Variants in BEND5 observed in about 807,000 individuals in gnomAD.
BEND5 encodes the protein BEN domain-containing protein 5.
Under a neutral mutation model 43.9 loss-of-function variants are expected in BEND5, and 22 were observed. That is an observed-to-expected ratio of 0.50 (90% CI 0.36 to 0.72). The LOEUF is 0.72. BEND5 is among the 30% of genes least tolerant of loss of function. BEND5 has a pLI of 0.00. For missense variants in BEND5, 428 were observed against 550.6 expected (o/e 0.78, Z 2.23); for synonymous variants, 228 against 225.9 (o/e 1.01, Z -0.08).
At chr1:48,747,795 G>A (rs1048038126) in intron 3 of BEND5, among the ~76,000 whole-genome samples, 1 of 152,102 alleles carries the variant, frequency 6.6e-6, no homozygotes, top group African/African-American at 2.4e-5. Flanking sequence ...TAACACAAAT[G>A]TTTATGTTTG....
chr1:48,775,715 G>C (rs928753176), intron 1 of BEND5, among the ~76,000 whole-genome samples: 1 of 152,184 alleles, frequency 6.6e-6, no homozygotes, highest in Non-Finnish European at 1.5e-5. Context: ...CTGGAGCATA[G>C]GAGGATAAAG....
At chr1:48,730,658 T>C (rs1026600358) in intron 5 of BEND5, among the ~76,000 whole-genome samples, 1 of 152,130 alleles carries the variant, frequency 6.6e-6, no homozygotes, top group African/African-American at 2.4e-5. Flanking sequence ...GTAACAGCAC[T>C]GAACGAAAAG....
intron 3 of BEND5, among the ~76,000 whole-genome samples, chr1:48,746,843 C>T (rs972198212): frequency 2.0e-5 from 3 of 152,174 alleles, no homozygotes; most frequent in African/African-American, 7.2e-5. Context: ...CAGACAGAAG[C>T]TGGCAAAACG....
At chr1:48,773,529 T>A (rs1005583192) in intron 1 of BEND5, among the ~76,000 whole-genome samples, 1 of 152,038 alleles carries the variant, frequency 6.6e-6, no homozygotes, top group African/African-American at 2.4e-5. Context: ...AGGATGGTAA[T>A]GGAGAAAGAG....
chr1:48,749,277 ATTGT>A (rs928213830), intron 3 of BEND5, among the ~76,000 whole-genome samples: 13 of 152,090 alleles, frequency 8.5e-5, no homozygotes, highest in African/African-American at 3.1e-4. Context: ...CTGTCACGTG[ATTGT>A]TTGTTTAACA....
intron 2 of BEND5, chr1:48,761,045 T>C (rs1208436265): frequency 3.4e-6 from 1 of 296,248 alleles, no homozygotes; most frequent in African/African-American, 2.1e-5. Context: ...TCTCCAGAGC[T>C]GTGGGCCAAG....
intron 1 of BEND5, among the ~76,000 whole-genome samples, chr1:48,768,397 TA>T (rs1030016703): frequency 4.6e-5 from 7 of 151,966 alleles, no homozygotes; most frequent in South Asian, 2.1e-4. Context: ...AGCTTTCTTG[TA>T]AAAAAAATGG....
intron 3 of BEND5, among the ~76,000 whole-genome samples, chr1:48,749,944 G>T (rs925030713): frequency 6.6e-6 from 1 of 152,222 alleles, no homozygotes; most frequent in African/African-American, 2.4e-5. Flanking sequence ...GGAATAAGTG[G>T]GGTGGGCAGC....
chr1:48,753,256 T>C (rs746525966), intron 3 of BEND5, among the ~76,000 whole-genome samples: 7 of 152,222 alleles, frequency 4.6e-5, no homozygotes, highest in Non-Finnish European at 7.3e-5. Flanking sequence ...CTGTATGTAG[T>C]GGGCTTTAAG....
At chr1:48,739,704 G>T (rs1202209494) in intron 4 of BEND5, among the ~76,000 whole-genome samples, 1 of 152,194 alleles carries the variant, frequency 6.6e-6, no homozygotes. Context: ...AATGAGAAAA[G>T]ATGTGTAAAG....
At chr1:48,774,525 A>G (rs1644985182) in intron 1 of BEND5, among the ~76,000 whole-genome samples, 1 of 152,218 alleles carries the variant, frequency 6.6e-6, no homozygotes, top group Admixed American at 6.5e-5. Flanking sequence ...GGTAAGGGGA[A>G]GTGTTTTTCA....
intron 3 of BEND5, among the ~76,000 whole-genome samples, chr1:48,746,853 G>A (rs375695261): frequency 6.6e-6 from 1 of 152,144 alleles, no homozygotes; most frequent in Non-Finnish European, 1.5e-5. Flanking sequence ...CTGGCAAAAC[G>A]GCAGATGAAT....
chr1:48,745,201 T>A (rs935886945), intron 3 of BEND5, among the ~76,000 whole-genome samples: 2 of 152,162 alleles, frequency 1.3e-5, no homozygotes, highest in Non-Finnish European at 2.9e-5. Flanking sequence ...GGGACTTTAA[T>A]GGGCTGGGAG....
At chr1:48,764,487 G>A (rs1484965876) in intron 1 of BEND5, among the ~76,000 whole-genome samples, 2 of 152,116 alleles carry the variant, frequency 1.3e-5, no homozygotes, top group Non-Finnish European at 2.9e-5. Flanking sequence ...AAATGGGGAA[G>A]GGGGGGAAAT....
chr1:48,743,038 G>T (rs1650166656), intron 3 of BEND5, among the ~76,000 whole-genome samples: 1 of 152,208 alleles, frequency 6.6e-6, no homozygotes, highest in Admixed American at 6.5e-5. Context: ...TGTCTAAATG[G>T]AAAGGCAGGG....
At chr1:48,760,087 C>T (rs1644175126) in intron 2 of BEND5, among the ~76,000 whole-genome samples, 1 of 152,302 alleles carries the variant, frequency 6.6e-6, no homozygotes, top group Non-Finnish European at 1.5e-5. Flanking sequence ...AATTTGGAAT[C>T]TAACTTCCAG....
At chr1:48,748,540 A>G (rs1319281432) in intron 3 of BEND5, among the ~76,000 whole-genome samples, 1 of 152,146 alleles carries the variant, frequency 6.6e-6, no homozygotes, top group East Asian at 1.9e-4. Flanking sequence ...GAGACTAGGA[A>G]ATCTTCATAA....
chr1:48,758,012 A>G (rs1342928230), intron 3 of BEND5, among the ~76,000 whole-genome samples: 20 of 152,186 alleles, frequency 1.3e-4, no homozygotes, highest in Non-Finnish European at 2.9e-5. Context: ...TCTGGTAAGC[A>G]GTCATTTCTT....
chr1:48,762,126 G>A (rs1427382029), intron 1 of BEND5, among the ~76,000 whole-genome samples: 1 of 152,226 alleles, frequency 6.6e-6, no homozygotes, highest in Non-Finnish European at 1.5e-5. Context: ...TTCAAACCCA[G>A]AGGATGGAAG....
Sources: gnomAD v4.1 joint callset for allele counts (sites outside exome capture counted in the v4.1 genomes callset) on GRCh38, gnomAD v4.1.1 for gene constraint, MANE v1.5 for transcripts, NCBI Gene and HGNC (gene_info 2026-07-23, HGNC 2026-07-21) for gene names.